The following WWOX variants were observed in gnomAD, a reference collection of about 807,000 sequenced individuals.
The protein encoded by WWOX is WW domain containing oxidoreductase.
In WWOX, 69 loss-of-function variants were observed where a neutral mutation model predicts 46.2. The ratio of observed to expected loss-of-function variants is 1.49; its 90% CI spans 1.23 to 1.82. The LOEUF (loss-of-function observed/expected upper bound fraction) is 1.82. Ranked by LOEUF, WWOX falls within the 40% of genes most tolerant of loss-of-function variation. The probability of loss-of-function intolerance (pLI) is 0.00; values close to 1 mark genes in which losing one functional copy is unlikely to be tolerated. For synonymous variants in WWOX, 359 were observed against 202.6 expected (o/e 1.77, Z -6.56); for missense variants, 919 against 542.6 (o/e 1.69, Z -6.89).
chr16:78,956,781 C>G (rs1270576824), intron 8 of WWOX, among the ~76,000 whole-genome samples: 8 of 152,116 alleles, frequency 5.3e-5, no homozygotes, highest in Admixed American at 4.6e-4. Context: ...AGCCTCAGAC[C>G]TGTAGGGGAA....
At chr16:78,175,636 C>T (rs1259296456) in intron 5 of WWOX, among the ~76,000 whole-genome samples, 2 of 152,196 alleles carry the variant, frequency 1.3e-5, no homozygotes, top group East Asian at 3.9e-4. Context: ...AATCCTCCAG[C>T]CCAGTCAAGC....
intron 8 of WWOX, among the ~76,000 whole-genome samples, chr16:79,147,799 A>T (rs930749994): frequency 2.0e-5 from 3 of 152,094 alleles, no homozygotes; most frequent in Non-Finnish European, 4.4e-5. Context: ...GTGATATTTC[A>T]CTGTGGTTTT....
At chr16:78,865,168 A>G (rs1400520399) in intron 8 of WWOX, among the ~76,000 whole-genome samples, 1 of 152,158 alleles carries the variant, frequency 6.6e-6, no homozygotes, top group African/African-American at 2.4e-5. Context: ...TTAAAGTGCT[A>G]AAGGTTGTAT....
intron 8 of WWOX, among the ~76,000 whole-genome samples, chr16:78,571,579 T>C (rs1299529498): frequency 2.0e-5 from 3 of 152,162 alleles, no homozygotes; most frequent in Non-Finnish European, 4.4e-5. Flanking sequence ...GTTAGAGGCG[T>C]TGCAGTTGGC....
intron 5 of WWOX, among the ~76,000 whole-genome samples, chr16:78,368,526 C>A (rs1162239956): frequency 6.6e-6 from 1 of 152,170 alleles, no homozygotes; most frequent in Admixed American, 6.5e-5. Context: ...AGAAGCTCTT[C>A]CCATAGAGAA....
chr16:78,350,949 C>G (rs1307466429), intron 5 of WWOX, among the ~76,000 whole-genome samples: 1 of 56,530 alleles, frequency 1.8e-5, no homozygotes, highest in East Asian at 2.0e-4. Context: ...TCCATATCTT[C>G]ACCAGCACTC....
At chr16:78,642,908 G>T (rs950701015) in intron 8 of WWOX, among the ~76,000 whole-genome samples, 2 of 152,114 alleles carry the variant, frequency 1.3e-5, no homozygotes, top group African/African-American at 2.4e-5. Flanking sequence ...ATCCTACTTG[G>T]TGTAAAATCC....
chr16:79,022,670 G>A (rs1462892072), intron 8 of WWOX, among the ~76,000 whole-genome samples: 1 of 152,166 alleles, frequency 6.6e-6, no homozygotes, highest in Non-Finnish European at 1.5e-5. Flanking sequence ...GCTGATTTAT[G>A]CCAAATGATA....
chr16:78,517,400 A>C (rs1449448387), intron 8 of WWOX, among the ~76,000 whole-genome samples: 1 of 151,146 alleles, frequency 6.6e-6, no homozygotes, highest in Non-Finnish European at 1.5e-5. Context: ...GAGCAATTGA[A>C]AATCACCAGA....
At chr16:78,776,632 G>C (rs908312711) in intron 8 of WWOX, among the ~76,000 whole-genome samples, 1 of 152,088 alleles carries the variant, frequency 6.6e-6, no homozygotes, top group Non-Finnish European at 1.5e-5. Flanking sequence ...GTCTCACACT[G>C]CTATAAAAAA....
chr16:78,916,480 C>G (rs944419872), intron 8 of WWOX, among the ~76,000 whole-genome samples: 2 of 152,118 alleles, frequency 1.3e-5, no homozygotes, highest in African/African-American at 2.4e-5. Context: ...AGATTCTGCT[C>G]TAAAGGGAAA....
chr16:78,509,466 T>C (rs2085303428), intron 8 of WWOX, among the ~76,000 whole-genome samples: 1 of 151,624 alleles, frequency 6.6e-6, no homozygotes, highest in South Asian at 2.1e-4. Context: ...ATAATAATAA[T>C]AATAATCGCA....
intron 8 of WWOX, among the ~76,000 whole-genome samples, chr16:79,072,642 G>C (rs941134289): frequency 2.0e-5 from 3 of 152,148 alleles, no homozygotes; most frequent in Admixed American, 2.0e-4. Context: ...AATGATCAAA[G>C]TTAGCAGTAC....
chr16:78,801,297 G>C (rs1301568224), intron 8 of WWOX, among the ~76,000 whole-genome samples: 1 of 152,128 alleles, frequency 6.6e-6, no homozygotes, highest in South Asian at 2.1e-4. Context: ...ATCCCCTGAG[G>C]TTGGGAGTTT....
chr16:78,629,056 G>T (rs949334842), intron 8 of WWOX, among the ~76,000 whole-genome samples: 5 of 152,184 alleles, frequency 3.3e-5, no homozygotes, highest in Non-Finnish European at 7.3e-5. Context: ...CATAACTGCA[G>T]TGTTTTATTG....
At chr16:79,158,950 T>A (rs1338307947) in intron 8 of WWOX, among the ~76,000 whole-genome samples, 2 of 152,214 alleles carry the variant, frequency 1.3e-5, no homozygotes, top group Non-Finnish European at 2.9e-5. Flanking sequence ...TGACATTTAT[T>A]GAATAGATGA....
intron 8 of WWOX, among the ~76,000 whole-genome samples, chr16:78,915,529 A>T (rs959496058): frequency 6.6e-6 from 1 of 152,198 alleles, no homozygotes; most frequent in Non-Finnish European, 1.5e-5. Flanking sequence ...CAATGAGCCA[A>T]ATGTTAGCAG....
intron 8 of WWOX, among the ~76,000 whole-genome samples, chr16:78,980,656 C>G (rs1249817555): frequency 5.3e-5 from 8 of 152,248 alleles, no homozygotes; most frequent in Non-Finnish European, 1.0e-4. Flanking sequence ...GTTGCAGGAA[C>G]CCCACATGGC....
At chr16:78,562,961 C>A (rs58266152) in intron 8 of WWOX, among the ~76,000 whole-genome samples, 284 of 151,984 alleles carry the variant, frequency 1.9e-3, no homozygotes, top group African/African-American at 6.3e-3. Context: ...CTGTGCAGAT[C>A]CCTCTGAAAA....
Sources: gnomAD v4.1 joint callset for allele counts (sites outside exome capture counted in the v4.1 genomes callset) on GRCh38, gnomAD v4.1.1 for gene constraint, MANE v1.5 for transcripts, NCBI Gene and HGNC (gene_info 2026-07-23, HGNC 2026-07-21) for gene names.